Variants in VAV3 observed in about 807,000 individuals in gnomAD.
The protein encoded by VAV3 is vav guanine nucleotide exchange factor 3, also known as guanine nucleotide exchange factor VAV3.
In VAV3, 94 loss-of-function variants were observed where a neutral mutation model predicts 131.2. The ratio of observed to expected loss-of-function variants is 0.72; its 90% CI spans 0.61 to 0.85. The LOEUF (loss-of-function observed/expected upper bound fraction) is 0.85, where lower values mean the gene tolerates loss of function less well. Among genes scored for constraint, VAV3 ranks in the 40% least tolerant of loss-of-function variants. VAV3 has a pLI of 0.00. For synonymous variants in VAV3, 349 were observed against 342.0 expected (o/e 1.02, Z -0.22); for missense variants, 939 against 1,002.7 (o/e 0.94, Z 0.86).
intron 1 of VAV3, among the ~76,000 whole-genome samples, chr1:107,930,419 CA>C (rs926459754): frequency 1.7e-4 from 26 of 151,978 alleles, no homozygotes; most frequent in African/African-American, 6.0e-4. Flanking sequence ...AGACTTAAAA[CA>C]ATAGAAAGTC....
At chr1:107,958,436 C>G (rs1233218941) in intron 1 of VAV3, among the ~76,000 whole-genome samples, 2 of 152,054 alleles carry the variant, frequency 1.3e-5, no homozygotes, top group East Asian at 3.9e-4. Flanking sequence ...AGCATCAAAA[C>G]TCAGCTTAGA....
At chr1:107,619,578 G>C (rs1653415715) in intron 20 of VAV3, among the ~76,000 whole-genome samples, 1 of 152,060 alleles carries the variant, frequency 6.6e-6, no homozygotes, top group Non-Finnish European at 1.5e-5. Flanking sequence ...GCTCAGAAGA[G>C]AAAAGAATAA....
At chr1:107,942,537 T>C (rs1411400402) in intron 1 of VAV3, among the ~76,000 whole-genome samples, 1 of 152,180 alleles carries the variant, frequency 6.6e-6, no homozygotes, top group Non-Finnish European at 1.5e-5. Flanking sequence ...AGTGATCTCT[T>C]TTCCTTTTTA....
intron 2 of VAV3, among the ~76,000 whole-genome samples, chr1:107,827,982 G>A (rs1369569177): frequency 6.6e-6 from 1 of 152,154 alleles, no homozygotes; most frequent in Admixed American, 6.5e-5. Flanking sequence ...GATGATCTGG[G>A]ACATGGGAGT....
At chr1:107,810,087 A>G (rs141798560) in intron 2 of VAV3, among the ~76,000 whole-genome samples, 26 of 152,348 alleles carry the variant, frequency 1.7e-4, no homozygotes, top group African/African-American at 6.0e-4. Context: ...TTTCAACAAA[A>G]GAAAAGACTG....
intron 9 of VAV3, among the ~76,000 whole-genome samples, chr1:107,761,957 G>C (rs1228530161): frequency 1.3e-5 from 2 of 152,058 alleles, no homozygotes; most frequent in South Asian, 2.1e-4. Flanking sequence ...AAATAGTATT[G>C]ACTGGTTTGT....
At chr1:107,937,474 C>T (rs957377433) in intron 1 of VAV3, among the ~76,000 whole-genome samples, 5 of 152,184 alleles carry the variant, frequency 3.3e-5, no homozygotes, top group African/African-American at 1.2e-4. Context: ...AGGACAAGAA[C>T]CATGTAATTC....
rs772913548 is a variant in VAV3 at position 107,760,780 on chromosome 1, A to T, written c.1017+4T>A. ...CAATAAATAAACTGTTTTAAGTTAC[A>T]TACCTGGAGGAGAAGGTGGTACTTT... On this transcript the variant is annotated splice_donor_region_variant and intron_variant, in intron 10 of 26. Transcript: ENST00000370056. 1 of 1,606,272 alleles carries T rather than the reference A, an allele frequency of 6.2e-7. No individual in the cohort carries two copies. Among genetic ancestry groups the T allele is most frequent in the East Asian group, 2.2e-5 (1 of 44,786 alleles).
At chr1:107,941,326 C>T (rs891171936) in intron 1 of VAV3, among the ~76,000 whole-genome samples, 1 of 152,174 alleles carries the variant, frequency 6.6e-6, no homozygotes, top group Non-Finnish European at 1.5e-5. Context: ...CAATCTTTTA[C>T]AAGCAGAAAT....
chr1:107,925,946 A>AT (rs1673138999), intron 1 of VAV3, among the ~76,000 whole-genome samples: 1 of 151,820 alleles, frequency 6.6e-6, no homozygotes, highest in Non-Finnish European at 1.5e-5. Flanking sequence ...ACAGAGATGT[A>AT]TCTCTTGCAT....
intron 25 of VAV3, among the ~76,000 whole-genome samples, chr1:107,581,631 A>T (rs930776660): frequency 1.2e-4 from 18 of 152,234 alleles, no homozygotes; most frequent in African/African-American, 4.3e-4. Context: ...ACACCACAAA[A>T]CACAGAAGAA....
chr1:107,695,940 C>G (rs966575850), intron 17 of VAV3, among the ~76,000 whole-genome samples: 7 of 152,284 alleles, frequency 4.6e-5, no homozygotes, highest in Middle Eastern at 3.4e-3. Context: ...ACTAGTACCT[C>G]TTCTCCATTT....
intron 17 of VAV3, among the ~76,000 whole-genome samples, chr1:107,696,665 G>C (rs969114805): frequency 6.6e-6 from 1 of 151,814 alleles, no homozygotes; most frequent in African/African-American, 2.4e-5. Flanking sequence ...TTAATATTAA[G>C]GGGGGGTCTG....
chr1:107,893,214 TATA>T (rs1380354937), intron 1 of VAV3, among the ~76,000 whole-genome samples: 4 of 152,326 alleles, frequency 2.6e-5, no homozygotes, highest in South Asian at 2.1e-4. Flanking sequence ...AGCAAGATTA[TATA>T]ATAACATTTA....
intron 20 of VAV3, among the ~76,000 whole-genome samples, chr1:107,635,586 G>A (rs983896483): frequency 3.9e-4 from 60 of 152,096 alleles, no homozygotes; most frequent in African/African-American, 1.4e-3. Context: ...AAACCTGCAC[G>A]TTGTGCACAC....
At chr1:107,642,511 C>G (rs968931066) in intron 20 of VAV3, 108 bp downstream of exon 20, 2 of 1,290,290 alleles carry the variant, frequency 1.6e-6, no homozygotes, top group East Asian at 2.5e-5. Flanking sequence ...TCTTAATCAA[C>G]TTGCTTTTGC....
chr1:107,774,167 A>T, intron 4 of VAV3, among the ~76,000 whole-genome samples: 1 of 152,064 alleles, frequency 6.6e-6, no homozygotes, highest in Non-Finnish European at 1.5e-5. Flanking sequence ...CCTGGGTTCC[A>T]GCGATTCTTC....
chr1:107,803,078 T>G (rs1348789547), intron 2 of VAV3, among the ~76,000 whole-genome samples: 1 of 152,040 alleles, frequency 6.6e-6, no homozygotes, highest in Non-Finnish European at 1.5e-5. Context: ...TCAGGTTGTA[T>G]GTGTCCAGGC....
intron 1 of VAV3, among the ~76,000 whole-genome samples, chr1:107,904,799 G>C (rs1487161090): frequency 6.6e-6 from 1 of 152,112 alleles, no homozygotes; most frequent in Non-Finnish European, 1.5e-5. Context: ...AGGGTGGAGA[G>C]AGAGGCACAC....
Sources: gnomAD v4.1 joint callset for allele counts (sites outside exome capture counted in the v4.1 genomes callset) on GRCh38, gnomAD v4.1.1 for gene constraint, MANE v1.5 for transcripts, NCBI Gene and HGNC (gene_info 2026-07-23, HGNC 2026-07-21) for gene names.